The following SEPTIN7 variants were observed in gnomAD, a reference collection of about 807,000 sequenced individuals.
The protein encoded by SEPTIN7 is septin-7.
A neutral mutation model predicts 63.3 loss-of-function variants in SEPTIN7; 10 were observed. The ratio of observed to expected loss-of-function variants is 0.16; its 90% confidence interval spans 0.10 to 0.27. The LOEUF is 0.27. Among genes scored for constraint, SEPTIN7 ranks in the 10% least tolerant of loss-of-function variants. The pLI is 1.00. For missense variants in SEPTIN7, 310 were observed against 521.0 expected (o/e 0.59, Z 3.94); for synonymous variants, 131 against 165.3 (o/e 0.79, Z 1.59).
At chr7:35,851,395 T>A (rs1784953185) in intron 3 of SEPTIN7, among the ~76,000 whole-genome samples, 1 of 152,170 alleles carries the variant, frequency 6.6e-6, no homozygotes. Flanking sequence ...AAAACATGTA[T>A]AATGCATTTC....
At chr7:35,882,747 A>T (rs1786967497) in intron 8 of SEPTIN7, among the ~76,000 whole-genome samples, 171 bp downstream of exon 8, 1 of 152,100 alleles carries the variant, frequency 6.6e-6, no homozygotes, top group Admixed American at 6.5e-5. Flanking sequence ...ATTAGCTAGT[A>T]TATATAATAA....
intron 1 of SEPTIN7, among the ~76,000 whole-genome samples, chr7:35,808,662 T>G (rs1263884545): frequency 6.6e-6 from 1 of 152,230 alleles, no homozygotes; most frequent in Non-Finnish European, 1.5e-5. Flanking sequence ...CCTAACATAG[T>G]AGAAGGAGCA....
intron 3 of SEPTIN7, among the ~76,000 whole-genome samples, chr7:35,854,837 A>G (rs1309369250): frequency 6.6e-6 from 1 of 152,082 alleles, no homozygotes. Context: ...CTGATATACA[A>G]AGAAGAAAAA....
intron 3 of SEPTIN7, among the ~76,000 whole-genome samples, chr7:35,860,354 C>T (rs1785439554): frequency 6.6e-6 from 1 of 152,060 alleles, no homozygotes; most frequent in Admixed American, 6.6e-5. Flanking sequence ...CCTTTAAAAA[C>T]TCATAGAAAA....
chr7:35,875,804 T>G (rs777996815), intron 6 of SEPTIN7, among the ~76,000 whole-genome samples: 1 of 152,152 alleles, frequency 6.6e-6, no homozygotes, highest in Non-Finnish European at 1.5e-5. Flanking sequence ...CAAAAAAAAT[T>G]TGTCATTTGC....
chr7:35,873,839 A>C (rs1293881446), intron 6 of SEPTIN7, 64 bp downstream of exon 6: 1 of 1,454,578 alleles, frequency 6.9e-7, no homozygotes, highest in African/African-American at 1.4e-5. Flanking sequence ...CTTTATGTGC[A>C]TACTTTAGTA....
At chr7:35,859,016 T>A (rs1340541147) in intron 3 of SEPTIN7, among the ~76,000 whole-genome samples, 3 of 152,176 alleles carry the variant, frequency 2.0e-5, no homozygotes, top group Non-Finnish European at 4.4e-5. Flanking sequence ...TTATCTCCGC[T>A]CTAATCTTTG....
chr7:35,909,781 T>A (rs372780355), downstream of SEPTIN7, among the ~76,000 whole-genome samples: 2 of 152,248 alleles, frequency 1.3e-5, no homozygotes, highest in East Asian at 3.8e-4. Context: ...CCATAACATT[T>A]GTATTTGTTA....
intron 5 of SEPTIN7, among the ~76,000 whole-genome samples, chr7:35,872,967 A>T (rs567364514): frequency 6.6e-6 from 1 of 152,274 alleles, no homozygotes; most frequent in South Asian, 2.1e-4. Flanking sequence ...CTTTTCTATA[A>T]AATGGAGATA....
In SEPTIN7 at chr7:35,808,880, A is replaced by G. The variant is rs372212057; in HGVS notation, c.61+7610A>G. Among the ~76,000 whole-genome samples the G allele has an allele frequency of 3.7e-4, 56 of 152,228 alleles. 1 individual carries two copies. The highest frequency in any genetic ancestry group is 1.3e-3 in the African/African-American group (52 of 41,544). ...AATTTCCAGTGTTTTGCTATTACCA[A>G]CTTTGACATGGTGAGTCACTTGGGA... is the stretch of plus-strand genomic sequence containing the variant. On this transcript the variant is annotated intron_variant, in intron 1 of 13. Coordinates refer to ENST00000350320, the MANE Select transcript of SEPTIN7 (RefSeq NM_001788.6).
chr7:35,818,163 G>T (rs1781552530), intron 1 of SEPTIN7, among the ~76,000 whole-genome samples: 1 of 151,946 alleles, frequency 6.6e-6, no homozygotes, highest in Non-Finnish European at 1.5e-5. Flanking sequence ...TGTCTAGTTT[G>T]TTAAGTGTGT....
Position 35,844,623 on chromosome 7 carries a change from G to C in SEPTIN7, c.169+11723G>C, listed in dbSNP as rs559864936. ...TTACCTAGTCTTTTTTTTTTGAGAC[G>C]GAGTCTCACTCTGTTGCCCAGGCTA... On this transcript the variant is annotated intron_variant, in intron 3 of 13. Coordinates refer to ENST00000350320, the MANE Select transcript of SEPTIN7 (RefSeq NM_001788.6). Among the ~76,000 whole-genome samples the C allele has an allele frequency of 2.0e-5, 3 of 151,398 alleles. No individual in the cohort carries two copies. The East Asian group carries it at 5.8e-4, about 29-fold the overall frequency.
At chr7:35,894,557 A>G (rs975567921) in intron 11 of SEPTIN7, among the ~76,000 whole-genome samples, 2 of 152,200 alleles carry the variant, frequency 1.3e-5, no homozygotes, top group African/African-American at 2.4e-5. Flanking sequence ...TCCTTTCATG[A>G]AATTATAATG....
At chr7:35,866,678 T>C (rs1207314711) in intron 4 of SEPTIN7, among the ~76,000 whole-genome samples, 1 of 152,214 alleles carries the variant, frequency 6.6e-6, no homozygotes, top group African/African-American at 2.4e-5. Context: ...ATTTTTAGCC[T>C]CCTGTGTGTA....
intron 11 of SEPTIN7, among the ~76,000 whole-genome samples, chr7:35,893,547 G>A (rs1416422116): frequency 6.6e-6 from 1 of 152,090 alleles, no homozygotes; most frequent in African/African-American, 2.4e-5. Flanking sequence ...TACTATCTAA[G>A]GTTGTGTAAG....
chr7:35,819,297 T>C (rs1205959529), intron 1 of SEPTIN7, among the ~76,000 whole-genome samples: 1 of 152,180 alleles, frequency 6.6e-6, no homozygotes, highest in East Asian at 1.9e-4. Flanking sequence ...CTTCATTCTC[T>C]AGTGGATGAA....
intron 3 of SEPTIN7, among the ~76,000 whole-genome samples, chr7:35,844,148 GA>G (rs1784541259): frequency 6.6e-6 from 1 of 152,184 alleles, no homozygotes; most frequent in African/African-American, 2.4e-5. Context: ...ACATGAAAAT[GA>G]AAATGATTAC....
At chr7:35,864,799 A>C (rs779122320) in intron 4 of SEPTIN7, among the ~76,000 whole-genome samples, 6 of 152,166 alleles carry the variant, frequency 3.9e-5, no homozygotes, top group Non-Finnish European at 7.4e-5. Context: ...GAGGCAAGTG[A>C]ACAGTTCTGG....
chr7:35,896,320 A>G (rs1787958240), intron 11 of SEPTIN7, among the ~76,000 whole-genome samples: 1 of 152,228 alleles, frequency 6.6e-6, no homozygotes, highest in South Asian at 2.1e-4. Flanking sequence ...GAAGTTGCTT[A>G]AATACACATT....
Sources: gnomAD v4.1 joint callset for allele counts (sites outside exome capture counted in the v4.1 genomes callset) on GRCh38, gnomAD v4.1.1 for gene constraint, MANE v1.5 for transcripts, NCBI Gene and HGNC (gene_info 2026-07-23, HGNC 2026-07-21) for gene names.